PALLD: variants seen among roughly 807,000 people sequenced by gnomAD.
PALLD encodes the protein palladin, cytoskeletal associated protein, also known as palladin.
Under a neutral mutation model 123.5 loss-of-function variants are expected in PALLD, and 61 were observed. The observed-to-expected ratio is 0.49, with a 90% CI of 0.40 to 0.61. PALLD has a LOEUF of 0.61. PALLD is among the 20% of genes least tolerant of loss of function. PALLD has a pLI of 0.00. For missense variants in PALLD, 1,273 were observed against 1,377.0 expected, an observed-to-expected ratio of 0.92 and a Z score of 1.20; for synonymous variants, 465 against 496.4, an observed-to-expected ratio of 0.94 and a Z score of 0.84.
chr4:168,632,210 A>T (rs529649659), intron 2 of PALLD, among the ~76,000 whole-genome samples: 68 of 152,116 alleles, frequency 4.5e-4, no homozygotes, highest in Non-Finnish European at 1.3e-4. Context: ...ATTAAAAAAA[A>T]TGATACTTTT....
intron 2 of PALLD, among the ~76,000 whole-genome samples, chr4:168,559,546 A>G (rs887967264): frequency 3.3e-5 from 5 of 152,202 alleles, no homozygotes; most frequent in Non-Finnish European, 1.5e-5. Context: ...GTAAAAGAAC[A>G]TTATTATAGT....
At chr4:168,730,808 C>T (rs1393051674) in intron 10 of PALLD, among the ~76,000 whole-genome samples, 1 of 152,124 alleles carries the variant, frequency 6.6e-6, no homozygotes, top group Non-Finnish European at 1.5e-5. Context: ...TGGCTTTTAT[C>T]ATTTAGTAGA....
At chr4:168,765,664 C>T (rs1328760479) in intron 10 of PALLD, among the ~76,000 whole-genome samples, 1 of 152,242 alleles carries the variant, frequency 6.6e-6, no homozygotes, top group Non-Finnish European at 1.5e-5. Context: ...AAAGAACAGA[C>T]ATACCAGGAG....
At chr4:168,512,854 G>C (rs564313253) in intron 2 of PALLD, among the ~76,000 whole-genome samples, 1 of 152,222 alleles carries the variant, frequency 6.6e-6, no homozygotes, top group African/African-American at 2.4e-5. Flanking sequence ...CCAACCTTCA[G>C]ATTAGCCCCC....
intron 8 of PALLD, among the ~76,000 whole-genome samples, chr4:168,704,664 CAAA>C (rs35183478): frequency 1.1e-4 from 9 of 81,374 alleles, no homozygotes; most frequent in South Asian, 3.9e-4. Context: ...GACTCTGTCT[CAAA>C]AAAAAAAAAA....
At chr4:168,612,889 C>T (rs1773874005) in intron 2 of PALLD, among the ~76,000 whole-genome samples, 1 of 152,252 alleles carries the variant, frequency 6.6e-6, no homozygotes, top group African/African-American at 2.4e-5. Context: ...TTAGAGAACC[C>T]ATGTCTCTGA....
intron 10 of PALLD, among the ~76,000 whole-genome samples, chr4:168,724,306 A>G (rs1561449902): frequency 6.6e-6 from 1 of 152,106 alleles, no homozygotes; most frequent in East Asian, 1.9e-4. Flanking sequence ...TAGGTTGACA[A>G]TTTTTTTACC....
At chr4:168,518,946 A>T (rs953082356) in intron 2 of PALLD, among the ~76,000 whole-genome samples, 2 of 152,242 alleles carry the variant, frequency 1.3e-5, no homozygotes, top group Non-Finnish European at 2.9e-5. Flanking sequence ...CAAAGAGAAA[A>T]TGGATAAATT....
chr4:168,804,882 C>T lies in PALLD; in HGVS notation c.1965-86040C>T, dbSNP rs1351132109. On this transcript the variant is annotated intron_variant, in intron 10 of 21. Coordinates refer to ENST00000505667, the MANE Select transcript of PALLD (RefSeq NM_001166108.2). ...ATTCCAAGAGTTCCCAAAGCGAGGCCGGGTGTGGTGGCTCACACCTGTAAT... is the reference window on the plus strand; with the variant it reads ...ATTCCAAGAGTTCCCAAAGCGAGGCTGGGTGTGGTGGCTCACACCTGTAAT... 4.0e-5 allele frequency among the ~76,000 whole-genome samples: 6 copies of T among 151,866 alleles called. No individual in the cohort carries two copies. In the East Asian group the frequency reaches 5.8e-4, roughly 15 times the overall value.
chr4:168,500,912 G>T (rs1471294334), intron 1 of PALLD, among the ~76,000 whole-genome samples: 4 of 152,090 alleles, frequency 2.6e-5, no homozygotes, highest in African/African-American at 9.7e-5. Context: ...CAAATATTAG[G>T]ATAGTCATGC....
chr4:168,689,506 G>C (rs1160259804), intron 6 of PALLD, among the ~76,000 whole-genome samples: 3 of 120,130 alleles, frequency 2.5e-5, no homozygotes, highest in Non-Finnish European at 4.8e-5. Flanking sequence ...GAAGTGCAAT[G>C]GTGTGATCTT....
At chr4:168,600,058 T>C (rs558121377) in intron 2 of PALLD, among the ~76,000 whole-genome samples, 1 of 150,714 alleles carries the variant, frequency 6.6e-6, no homozygotes, top group Admixed American at 6.6e-5. Flanking sequence ...CACACATATA[T>C]ACATACATGT....
rs147605132 is a variant in PALLD at position 168,512,227 on chromosome 4, T to C, written c.723T>C (p.His241=). ...AGGTCAAGTCCCCTGGGGCCAGGCATTGCTACCAGGACAACCAGGACTTGG... is the reference window on the plus strand; with the variant it reads ...AGGTCAAGTCCCCTGGGGCCAGGCACTGCTACCAGGACAACCAGGACTTGG... ...EREVKSPGAR[H]CYQDNQDLAV... is the part of the protein sequence containing the mutation. Residue 241 remains histidine (H), a synonymous_variant, in exon 2 of 22, where the codon CAT becomes CAC. Transcript: ENST00000505667. 2.5e-6 allele frequency: 4 copies of C among 1,613,758 alleles called. No individual in the cohort carries two copies. Among genetic ancestry groups the C allele is most frequent in the Admixed American group, 3.3e-5 (2 of 60,006 alleles).
chr4:168,817,715 C>G (rs181880161), intron 10 of PALLD, among the ~76,000 whole-genome samples: 12 of 152,202 alleles, frequency 7.9e-5, no homozygotes, highest in Non-Finnish European at 1.5e-5. Context: ...TTGAAACAAC[C>G]TTTTTTTGTC....
intron 10 of PALLD, among the ~76,000 whole-genome samples, chr4:168,879,263 C>T (rs1243367700): frequency 2.0e-5 from 3 of 152,074 alleles, no homozygotes; most frequent in Non-Finnish European, 4.4e-5. Flanking sequence ...ATAAATAACA[C>T]CTACAGAAGT....
At chr4:168,635,332 A>G (rs1040913662) in intron 2 of PALLD, among the ~76,000 whole-genome samples, 3 of 152,228 alleles carry the variant, frequency 2.0e-5, no homozygotes, top group African/African-American at 7.2e-5. Context: ...CCTTCTCATT[A>G]GCGGTCCATG....
At chr4:168,897,821 G>T (rs1054322472) in intron 13 of PALLD, among the ~76,000 whole-genome samples, 1 of 142,982 alleles carries the variant, frequency 7.0e-6, no homozygotes. Context: ...TTGATGGGTT[G>T]TTTTTTTTTT....
At chr4:168,584,804 G>T (rs1200699254) in intron 2 of PALLD, among the ~76,000 whole-genome samples, 1 of 152,210 alleles carries the variant, frequency 6.6e-6, no homozygotes, top group East Asian at 1.9e-4. Flanking sequence ...GAGGGGGACT[G>T]TTTGATGGAA....
chr4:168,673,289 C>T (rs745639550), intron 3 of PALLD, among the ~76,000 whole-genome samples: 5 of 152,290 alleles, frequency 3.3e-5, no homozygotes, highest in African/African-American at 2.4e-5. Flanking sequence ...TGATGGGATG[C>T]GGTGATCAGG....
Sources: allele counts gnomAD v4.1 joint callset (sites outside exome capture counted in the v4.1 genomes callset), GRCh38; gene constraint gnomAD v4.1.1; transcripts MANE v1.5; gene names NCBI Gene and HGNC (gene_info 2026-07-23, HGNC 2026-07-21).